TFEC: variants seen among roughly 807,000 people sequenced by gnomAD.
TFEC encodes the protein class E basic helix-loop-helix protein 34.
TFEC carries 31 observed loss-of-function variants against 41.6 expected under a neutral mutation model. The observed-to-expected ratio is 0.74, with a 90% CI of 0.56 to 1.01. The LOEUF (loss-of-function observed/expected upper bound fraction) is 1.01. Ranked by LOEUF, TFEC falls within the 50% of genes least tolerant of loss-of-function variation. The pLI is 0.00. For synonymous variants in TFEC, 143 were observed against 140.6 expected (o/e 1.02, Z -0.12); for missense variants, 402 against 404.1 (o/e 0.99, Z 0.04).
intron 3 of TFEC, among the ~76,000 whole-genome samples, chr7:116,063,452 CA>C (rs1584471049): frequency 6.6e-6 from 1 of 151,708 alleles, no homozygotes; most frequent in East Asian, 1.9e-4. Context: ...CCCCCCTCTC[CA>C]CTAAAAAATA....
intron 4 of TFEC, among the ~76,000 whole-genome samples, chr7:115,955,832 T>C (rs1478618378): frequency 6.6e-6 from 1 of 152,044 alleles, no homozygotes; most frequent in African/African-American, 2.4e-5. Context: ...TCATTAATTT[T>C]AGTCTGAATA....
intron 5 of TFEC, among the ~76,000 whole-genome samples, chr7:115,953,612 T>C (rs964929381): frequency 2.0e-5 from 3 of 152,056 alleles, no homozygotes; most frequent in African/African-American, 7.2e-5. Context: ...CTCAATTTAC[T>C]AATCCCTTCT....
intron 3 of TFEC, among the ~76,000 whole-genome samples, chr7:116,098,917 A>G (rs1297524656): frequency 1.3e-5 from 2 of 151,652 alleles, no homozygotes; most frequent in Non-Finnish European, 2.9e-5. Flanking sequence ...GAAGGAAGGA[A>G]GGAAGGAAAA....
chr7:116,067,734 C>T (rs1796727968), intron 3 of TFEC, among the ~76,000 whole-genome samples: 1 of 151,972 alleles, frequency 6.6e-6, no homozygotes, highest in African/African-American at 2.4e-5. Flanking sequence ...CTTAATTCAT[C>T]ATTAGCCATA....
In TFEC at chr7:116,049,076, C is replaced by T. The variant is rs373258578; in HGVS notation, c.198+61632G>A. On this transcript the variant is annotated intron_variant, in intron 3 of 8. Coordinates refer to the TFEC transcript ENST00000484212. ...GCTAGGAAGAAACTGCATCAACTAACGAGCAAAATAACCAGCTAACATCAT... is the reference window on the plus strand; with the variant it reads ...GCTAGGAAGAAACTGCATCAACTAATGAGCAAAATAACCAGCTAACATCAT... 1.6e-4 allele frequency among the ~76,000 whole-genome samples: 25 copies of T among 152,244 alleles called. 1 individual carries two copies. Among genetic ancestry groups the T allele is most frequent in the African/African-American group, 3.4e-4 (14 of 41,548 alleles).
At chr7:116,031,808 A>T (rs1039966650), upstream of TFEC, among the ~76,000 whole-genome samples, 1 of 152,148 alleles carries the variant, frequency 6.6e-6, no homozygotes, top group African/African-American at 2.4e-5. Context: ...TATCAATAGC[A>T]CATTTTTGAG....
At chr7:115,995,265 C>T (rs564597872) in intron 1 of TFEC, among the ~76,000 whole-genome samples, 3 of 151,044 alleles carry the variant, frequency 2.0e-5, no homozygotes, top group Admixed American at 6.6e-5. Flanking sequence ...TAATGGGTGC[C>T]GCACACCAAC....
At chr7:116,005,999 C>T (rs569825921) in intron 1 of TFEC, among the ~76,000 whole-genome samples, 4 of 152,290 alleles carry the variant, frequency 2.6e-5, no homozygotes, top group East Asian at 1.9e-4. Context: ...GTTGAGCCTA[C>T]GGTGCTCAGA....
At chr7:116,075,921 T>C (rs1472817979) in intron 3 of TFEC, among the ~76,000 whole-genome samples, 1 of 152,178 alleles carries the variant, frequency 6.6e-6, no homozygotes, top group Non-Finnish European at 1.5e-5. Flanking sequence ...ACACCACAGC[T>C]AATGCGCTCT....
At chr7:116,003,263 T>A (rs1347591110) in intron 1 of TFEC, among the ~76,000 whole-genome samples, 2 of 151,340 alleles carry the variant, frequency 1.3e-5, no homozygotes, top group African/African-American at 2.4e-5. Flanking sequence ...AAAAAAAAAA[T>A]TAAATAATTA....
intron 3 of TFEC, among the ~76,000 whole-genome samples, chr7:115,957,454 A>C (rs2130435583): frequency 6.6e-6 from 1 of 152,044 alleles, no homozygotes; most frequent in Admixed American, 6.6e-5. Context: ...CAATTCTTGA[A>C]CTGCTTCTTG....
intron 3 of TFEC, among the ~76,000 whole-genome samples, chr7:116,050,440 A>C (rs533847969): frequency 6.6e-6 from 1 of 152,356 alleles, no homozygotes; most frequent in Admixed American, 6.5e-5. Flanking sequence ...GAACTTAAAC[A>C]AATTTACAAG....
At chr7:116,074,210 A>G (rs1285714067) in intron 3 of TFEC, among the ~76,000 whole-genome samples, 1 of 151,526 alleles carries the variant, frequency 6.6e-6, no homozygotes, top group African/African-American at 2.4e-5. Context: ...GTATGTGTAT[A>G]TATGTGTGCA....
rs567475292 is a variant in TFEC, at chr7:116,097,615, G to C, written c.198+13093C>G. ...CAAAGGGATGATTCATATTCCACAG[G>C]GGACAGAGAAGGAAGGTGTGTGATC... On this transcript the variant is annotated intron_variant, in intron 3 of 8. Coordinates refer to the TFEC transcript ENST00000484212. 2.0e-5 allele frequency among the ~76,000 whole-genome samples: 3 copies of C among 152,210 alleles called. No individual in the cohort carries two copies. The East Asian group carries it at 5.8e-4, about 29-fold the overall frequency.
chr7:116,054,669 T>C (rs560281748), intron 3 of TFEC, among the ~76,000 whole-genome samples: 31 of 152,156 alleles, frequency 2.0e-4, no homozygotes, highest in Non-Finnish European at 3.7e-4. Context: ...ATATTTTTAG[T>C]ATAAGTATGT....
chr7:116,025,632 A>G (rs1795557802), intron 1 of TFEC, among the ~76,000 whole-genome samples: 1 of 152,154 alleles, frequency 6.6e-6, no homozygotes, highest in South Asian at 2.1e-4. Context: ...GTCACATGTC[A>G]AGTTGGTAGC....
intron 1 of TFEC, among the ~76,000 whole-genome samples, chr7:116,113,238 T>C (rs1195161739): frequency 1.3e-5 from 2 of 151,956 alleles, no homozygotes; most frequent in African/African-American, 4.8e-5. Flanking sequence ...TTTGCAAATG[T>C]AATTAAGGTA....
At chr7:115,946,954 G>A (rs1214266168) in intron 6 of TFEC, among the ~76,000 whole-genome samples, 1 of 151,028 alleles carries the variant, frequency 6.6e-6, no homozygotes. Flanking sequence ...AAGTTTTAGG[G>A]TACATGTGCC....
chr7:115,956,591 T>C, intron 4 of TFEC, 88 bp downstream of exon 4: 1 of 748,490 alleles, frequency 1.3e-6, no homozygotes, highest in Non-Finnish European at 1.9e-6. Flanking sequence ...TGTTATACTT[T>C]TAAAATCCTA....
Sources: gnomAD v4.1 joint callset for allele counts (sites outside exome capture counted in the v4.1 genomes callset) on GRCh38, gnomAD v4.1.1 for gene constraint, MANE v1.5 for transcripts, NCBI Gene and HGNC (gene_info 2026-07-23, HGNC 2026-07-21) for gene names.